PLXDC2: variants seen among roughly 807,000 people sequenced by gnomAD.
PLXDC2 encodes plexin domain containing 2, also known as plexin domain-containing protein 2.
In PLXDC2, 40 loss-of-function variants were observed where a neutral mutation model predicts 68.9. The ratio of observed to expected loss-of-function variants is 0.58; its 90% CI spans 0.45 to 0.76. PLXDC2 has a LOEUF of 0.76. Among genes scored for constraint, PLXDC2 ranks in the 30% least tolerant of loss-of-function variants. The probability of loss-of-function intolerance (pLI) is 0.00; values close to 1 mark genes in which losing one functional copy is unlikely to be tolerated. For missense variants in PLXDC2, 644 were observed against 661.9 expected (o/e 0.97, Z 0.30); for synonymous variants, 243 against 234.2 (o/e 1.04, Z -0.34).
intron 1 of PLXDC2, among the ~76,000 whole-genome samples, chr10:19,843,764 T>C (rs1007321979): frequency 1.3e-5 from 2 of 152,098 alleles, no homozygotes; most frequent in Non-Finnish European, 2.9e-5. Flanking sequence ...TATCAGAGCC[T>C]GGGAAGAGTG....
At chr10:20,006,936 G>A (rs1399654988) in intron 2 of PLXDC2, among the ~76,000 whole-genome samples, 3 of 152,202 alleles carry the variant, frequency 2.0e-5, no homozygotes, top group Non-Finnish European at 2.9e-5. Flanking sequence ...TATTTCCTCT[G>A]TTCATTCATA....
intron 4 of PLXDC2, among the ~76,000 whole-genome samples, chr10:20,090,057 G>A (rs1351445896): frequency 6.6e-6 from 1 of 152,060 alleles, no homozygotes; most frequent in African/African-American, 2.4e-5. Context: ...AAGGAAGCTG[G>A]CTCACCACAA....
chr10:19,989,488 G>T lies in PLXDC2; in HGVS notation c.113-12287G>T, dbSNP rs188395825. 7.3e-4 allele frequency among the ~76,000 whole-genome samples: 111 copies of T among 152,138 alleles called. 1 individual carries two copies. Among genetic ancestry groups the T allele is most frequent in the African/African-American group, 2.6e-3 (106 of 41,496 alleles). The stretch of plus-strand genomic sequence containing the variant: ...AACATGGAAAGATATTTATTATGTG[G>T]TGCTGAAATCAAGTTATACGCATAT... On this transcript the variant is annotated intron_variant, in intron 1 of 13. Coordinates refer to ENST00000377252, the MANE Select transcript of PLXDC2 (RefSeq NM_032812.9).
intron 4 of PLXDC2, among the ~76,000 whole-genome samples, chr10:20,080,266 T>C (rs371058698): frequency 1.3e-5 from 2 of 152,262 alleles, no homozygotes; most frequent in African/African-American, 2.4e-5. Context: ...TAGGGTTCTG[T>C]AGAGGGAAAG....
At chr10:19,897,302 C>T (rs180726197) in intron 1 of PLXDC2, among the ~76,000 whole-genome samples, 34 of 151,714 alleles carry the variant, frequency 2.2e-4, no homozygotes, top group East Asian at 1.7e-3. Flanking sequence ...TGTAATGGCA[C>T]GATCTCGGCT....
At chr10:20,121,755 T>C (rs986315452) in intron 4 of PLXDC2, among the ~76,000 whole-genome samples, 1 of 152,156 alleles carries the variant, frequency 6.6e-6, no homozygotes, top group African/African-American at 2.4e-5. Context: ...TGATAAGGCA[T>C]AGATCCTGAA....
At position 19,902,665 on chromosome 10, in the gene PLXDC2, C is replaced by G. The variant is rs1589527912; in HGVS notation, c.112+85474C>G. Among the ~76,000 whole-genome samples, 3 of 152,154 alleles carry G rather than the reference C, an allele frequency of 2.0e-5. No homozygotes were observed. In the South Asian group the frequency reaches 6.2e-4, roughly 32 times the overall value. On this transcript the variant is annotated intron_variant, in intron 1 of 13. Transcript: ENST00000377252. ...ACTTCCTCTTTACCAATTGGGATGC[C>G]CTTGATTTCTTTCTCTTGTCTGATT...
intron 7 of PLXDC2, among the ~76,000 whole-genome samples, chr10:20,165,308 G>A (rs1276434884): frequency 1.3e-5 from 2 of 151,734 alleles, no homozygotes; most frequent in Non-Finnish European, 2.9e-5. Context: ...TTAAGTTTTA[G>A]GGTACATGTG....
intron 1 of PLXDC2, among the ~76,000 whole-genome samples, chr10:19,989,356 C>A (rs769730040): frequency 6.6e-6 from 1 of 152,048 alleles, no homozygotes; most frequent in African/African-American, 2.4e-5. Flanking sequence ...CAAATGATTG[C>A]AGTTGTTCAC....
chr10:20,119,798 A>T (rs968827420), intron 4 of PLXDC2, among the ~76,000 whole-genome samples: 4 of 151,944 alleles, frequency 2.6e-5, no homozygotes, highest in Admixed American at 2.6e-4. Flanking sequence ...GTAAGGGGTG[A>T]TATTGTGGAT....
chr10:19,967,362 G>T (rs1218553426), intron 1 of PLXDC2, among the ~76,000 whole-genome samples: 1 of 152,112 alleles, frequency 6.6e-6, no homozygotes, highest in East Asian at 1.9e-4. Flanking sequence ...GATAGGAACT[G>T]CACTGTATCT....
At chr10:20,096,085 G>A (rs529603042) in intron 4 of PLXDC2, among the ~76,000 whole-genome samples, 4 of 152,168 alleles carry the variant, frequency 2.6e-5, no homozygotes, top group Admixed American at 6.6e-5. Context: ...TTTGCAGAAC[G>A]AGTGTTCCCT....
At chr10:20,052,738 A>G (rs11011760) in intron 3 of PLXDC2, among the ~76,000 whole-genome samples, 24,458 of 141,024 alleles carry the variant, frequency 0.17, 2,822 homozygotes, top group Admixed American at 0.3. Flanking sequence ...AAAAAAAAAA[A>G]AAAGAAAGAA....
chr10:19,880,556 T>A (rs1837709227), intron 1 of PLXDC2, among the ~76,000 whole-genome samples: 1 of 152,230 alleles, frequency 6.6e-6, no homozygotes, highest in Non-Finnish European at 1.5e-5. Flanking sequence ...AGTTTGAATG[T>A]GGGTAACTGA....
At chr10:20,123,930 G>C (rs528899523) in intron 4 of PLXDC2, among the ~76,000 whole-genome samples, 2 of 151,902 alleles carry the variant, frequency 1.3e-5, no homozygotes, top group Non-Finnish European at 2.9e-5. Flanking sequence ...GATATAAGGG[G>C]TTGGGGTAAT....
intron 1 of PLXDC2, among the ~76,000 whole-genome samples, chr10:19,997,893 A>G (rs907857692): frequency 3.9e-5 from 6 of 152,218 alleles, no homozygotes; most frequent in African/African-American, 1.4e-4. Context: ...AGAATGTGTT[A>G]AGATCAATGT....
Position 20,160,393 on chromosome 10 carries a change from A to G in PLXDC2, c.784-4075A>G, listed in dbSNP as rs555295058. On this transcript the variant is annotated intron_variant, in intron 6 of 13. Coordinates refer to ENST00000377252, the MANE Select transcript of PLXDC2 (RefSeq NM_032812.9). Reference sequence around the variant, plus strand: ...CTCTTGACTACAAATGATGATTTCTACCTAACTTCTACTCTCCTTACATAA... The same window carrying G: ...CTCTTGACTACAAATGATGATTTCTGCCTAACTTCTACTCTCCTTACATAA... Among the ~76,000 whole-genome samples, 8 of 152,292 alleles carry G rather than the reference A, an allele frequency of 5.3e-5. No homozygotes were observed. In the East Asian group the frequency reaches 1.5e-3, roughly 29 times the overall value.
intron 13 of PLXDC2, among the ~76,000 whole-genome samples, chr10:20,256,495 G>A (rs890078054): frequency 7.3e-6 from 1 of 137,176 alleles, no homozygotes; most frequent in African/African-American, 2.6e-5. Flanking sequence ...GCCTTTGAAG[G>A]AGAAATGATA....
At chr10:19,876,990 T>G (rs554068962) in intron 1 of PLXDC2, among the ~76,000 whole-genome samples, 1 of 152,238 alleles carries the variant, frequency 6.6e-6, no homozygotes, top group East Asian at 1.9e-4. Context: ...TGAAAGAAGG[T>G]TAGAAAATAT....
Sources: allele counts gnomAD v4.1 joint callset (sites outside exome capture counted in the v4.1 genomes callset), GRCh38; gene constraint gnomAD v4.1.1; transcripts MANE v1.5; gene names NCBI Gene and HGNC (gene_info 2026-07-23, HGNC 2026-07-21).